The following FAF1 variants were observed in gnomAD, a reference collection of about 807,000 sequenced individuals.
FAF1 encodes the protein Fas associated factor 1.
A neutral mutation model predicts 92.5 loss-of-function variants in FAF1; 25 were observed. The ratio of observed to expected loss-of-function variants is 0.27; its 90% confidence interval spans 0.20 to 0.38. FAF1 has a LOEUF of 0.38. Among genes scored for constraint, FAF1 ranks in the 10% least tolerant of loss-of-function variants. The pLI is 1.00. For synonymous variants in FAF1, 234 were observed against 273.2 expected, an observed-to-expected ratio of 0.86 and a Z score of 1.42; for missense variants, 636 against 793.3, an observed-to-expected ratio of 0.80 and a Z score of 2.38.
chr1:50,948,035 C>T (rs577996178), intron 1 of FAF1, among the ~76,000 whole-genome samples: 1 of 151,990 alleles, frequency 6.6e-6, no homozygotes, highest in Non-Finnish European at 1.5e-5. Flanking sequence ...TGATCACTGA[C>T]AATCTAACAT....
intron 2 of FAF1, among the ~76,000 whole-genome samples, chr1:50,808,483 G>C (rs1662294988): frequency 6.6e-6 from 1 of 152,006 alleles, no homozygotes; most frequent in Non-Finnish European, 1.5e-5. Flanking sequence ...AAGGAAGCAA[G>C]ACCTAACTGT....
intron 1 of FAF1, among the ~76,000 whole-genome samples, chr1:50,909,126 A>T (rs543452547): frequency 6.6e-6 from 1 of 152,154 alleles, no homozygotes; most frequent in Non-Finnish European, 1.5e-5. Flanking sequence ...TTTCTCCTAC[A>T]CTTATGAAGC....
intron 6 of FAF1, among the ~76,000 whole-genome samples, chr1:50,737,977 T>A (rs960333984): frequency 1.2e-4 from 18 of 152,282 alleles, no homozygotes; most frequent in African/African-American, 4.3e-4. Context: ...TCATAAAAAT[T>A]ATTATCACTA....
intron 4 of FAF1, among the ~76,000 whole-genome samples, chr1:50,763,981 T>C (rs1460817083): frequency 1.3e-5 from 2 of 152,158 alleles, no homozygotes; most frequent in Non-Finnish European, 2.9e-5. Flanking sequence ...ATTTTCTTTA[T>C]ATACTTCAAC....
chr1:50,841,577 T>C (rs537887621), intron 2 of FAF1, among the ~76,000 whole-genome samples: 14 of 152,096 alleles, frequency 9.2e-5, no homozygotes, highest in East Asian at 1.9e-4. Context: ...AGCTTTTTTT[T>C]CCCTTTCTTT....
At chr1:50,882,879 G>C (rs912567798) in intron 1 of FAF1, among the ~76,000 whole-genome samples, 1 of 151,580 alleles carries the variant, frequency 6.6e-6, no homozygotes, top group African/African-American at 2.4e-5. Context: ...CCAGACACTC[G>C]GGAGGCTGAG....
chr1:50,921,403 C>A (rs531906137), intron 1 of FAF1, among the ~76,000 whole-genome samples: 1 of 152,346 alleles, frequency 6.6e-6, no homozygotes, highest in Admixed American at 6.5e-5. Flanking sequence ...AAGACCAGCT[C>A]TACAAGAAAT....
intron 1 of FAF1, among the ~76,000 whole-genome samples, chr1:50,862,781 T>TA (rs955103358): frequency 6.6e-6 from 1 of 151,292 alleles, no homozygotes; most frequent in South Asian, 2.1e-4. Context: ...CAACAACAGT[T>TA]AAAAAAGACA....
In FAF1 at chr1:50,490,463, A is replaced by G. The variant is rs563748516; in HGVS notation, c.1653+125T>C. The G allele has an allele frequency of 7.1e-3, 4,009 of 565,220 alleles. 76 individuals are homozygous for G. Among genetic ancestry groups the G allele is most frequent in the Middle Eastern group, 7.3e-3 (26 of 3,566 alleles). 35.0% of individuals were successfully genotyped at this position (565,220 alleles called of 1,614,324 possible). On this transcript the variant is annotated intron_variant, in intron 17 of 18. Coordinates refer to ENST00000396153, the MANE Select transcript of FAF1 (RefSeq NM_007051.3). ...AGGAAGGAAGGAAGGAAGGAAGGAA[A>G]AAGAAAGAAGGAAGGAAGGAAGGAA...
intron 1 of FAF1, among the ~76,000 whole-genome samples, chr1:50,907,290 T>C (rs920270871): frequency 6.6e-6 from 1 of 152,238 alleles, no homozygotes; most frequent in Non-Finnish European, 1.5e-5. Context: ...GCCAGTATTT[T>C]ATTGAGGATT....
At chr1:50,530,193 A>C (rs1189164705) in intron 15 of FAF1, among the ~76,000 whole-genome samples, 2 of 151,710 alleles carry the variant, frequency 1.3e-5, no homozygotes, top group African/African-American at 4.8e-5. Flanking sequence ...AAATTCTCTT[A>C]ACAGAACTAC....
chr1:50,680,144 T>G (rs1656355477), intron 7 of FAF1, among the ~76,000 whole-genome samples: 1 of 152,236 alleles, frequency 6.6e-6, no homozygotes, highest in East Asian at 1.9e-4. Flanking sequence ...TTATCTCTGA[T>G]AGTGTATAAC....
intron 1 of FAF1, among the ~76,000 whole-genome samples, chr1:50,917,900 T>G (rs1385188321): frequency 6.6e-6 from 1 of 152,164 alleles, no homozygotes; most frequent in Admixed American, 6.5e-5. Flanking sequence ...AAAGCCATAC[T>G]CAAAACAGTG....
chr1:50,678,776 CA>C (rs58946586), intron 7 of FAF1, among the ~76,000 whole-genome samples: 167 of 13,922 alleles, frequency 0.012, no homozygotes, highest in African/African-American at 0.027. Flanking sequence ...GACTCCATCT[CA>C]AAAAAAAAAA....
chr1:50,897,714 C>T (rs1557580139), intron 1 of FAF1, among the ~76,000 whole-genome samples: 1 of 152,162 alleles, frequency 6.6e-6, no homozygotes, highest in African/African-American at 2.4e-5. Flanking sequence ...GCATCCATAC[C>T]ATTCAACTCT....
chr1:50,520,299 C>T (rs1400765078), intron 15 of FAF1, among the ~76,000 whole-genome samples: 1 of 152,106 alleles, frequency 6.6e-6, no homozygotes, highest in Non-Finnish European at 1.5e-5. Context: ...CAGTATCCCC[C>T]ATGAGAGGCA....
At chr1:50,753,694 CCTCT>C (rs1245002411) in intron 4 of FAF1, among the ~76,000 whole-genome samples, 2 of 151,946 alleles carry the variant, frequency 1.3e-5, no homozygotes, top group Admixed American at 1.3e-4. Context: ...TTAAACCTTC[CCTCT>C]CTCTTTTTGA....
chr1:50,712,217 C>T (rs986720050), intron 6 of FAF1, among the ~76,000 whole-genome samples: 1 of 152,204 alleles, frequency 6.6e-6, no homozygotes, highest in African/African-American at 2.4e-5. Context: ...TTCTGTAATA[C>T]TGATTTTCCT....
chr1:50,485,667 C>CAAAAAAAAAAAAA (rs999538430), intron 17 of FAF1, among the ~76,000 whole-genome samples: 1 of 13,712 alleles, frequency 7.3e-5, no homozygotes, highest in African/African-American at 2.4e-4. Flanking sequence ...GAGACTGTCT[C>CAAAAAAAAAAAAA]AAAAAAAAAA....
Sources: gnomAD v4.1 joint callset for allele counts (sites outside exome capture counted in the v4.1 genomes callset) on GRCh38, gnomAD v4.1.1 for gene constraint, MANE v1.5 for transcripts, NCBI Gene and HGNC (gene_info 2026-07-23, HGNC 2026-07-21) for gene names.